Variants in GPC5 observed in about 807,000 individuals in gnomAD.
The protein encoded by GPC5 is glypican 5, also known as glypican-5.
Under a neutral mutation model 53.9 loss-of-function variants are expected in GPC5, and 47 were observed. The ratio of observed to expected loss-of-function variants is 0.87; its 90% CI spans 0.69 to 1.11. GPC5 has a LOEUF of 1.11. Ranked by LOEUF, GPC5 falls within the 50% of genes most tolerant of loss-of-function variation. The probability of loss-of-function intolerance (pLI) is 0.00; values close to 1 mark genes in which losing one functional copy is unlikely to be tolerated. For synonymous variants in GPC5, 286 were observed against 263.3 expected, an observed-to-expected ratio of 1.09 and a Z score of -0.84; for missense variants, 748 against 713.1, an observed-to-expected ratio of 1.05 and a Z score of -0.56.
At chr13:92,814,353 C>A (rs1427840224) in intron 7 of GPC5, among the ~76,000 whole-genome samples, 1 of 151,578 alleles carries the variant, frequency 6.6e-6, no homozygotes, top group Non-Finnish European at 1.5e-5. Flanking sequence ...CCAAAACAGA[C>A]AAAAAAATTA....
chr13:92,067,318 G>A (rs1250732846), intron 6 of GPC5, among the ~76,000 whole-genome samples: 1 of 151,976 alleles, frequency 6.6e-6, no homozygotes, highest in Non-Finnish European at 1.5e-5. Context: ...GTGTTAATAA[G>A]AAAAATAGTA....
chr13:92,584,201 G>T (rs532388485), intron 7 of GPC5, among the ~76,000 whole-genome samples: 8 of 152,288 alleles, frequency 5.3e-5, no homozygotes, highest in Non-Finnish European at 7.3e-5. Context: ...GAGCTCAGAA[G>T]AAGACAGGAA....
chr13:91,467,341 G>A (rs1223311137), intron 2 of GPC5, among the ~76,000 whole-genome samples: 1 of 152,262 alleles, frequency 6.6e-6, no homozygotes, highest in South Asian at 2.1e-4. Flanking sequence ...AGTGATCCAC[G>A]ATTCCTCCAC....
intron 2 of GPC5, among the ~76,000 whole-genome samples, chr13:91,460,232 A>G (rs1881845020): frequency 6.6e-6 from 1 of 152,092 alleles, no homozygotes; most frequent in African/African-American, 2.4e-5. Context: ...TTCTTATATG[A>G]ATCAAATTCT....
intron 1 of GPC5, among the ~76,000 whole-genome samples, chr13:91,437,373 G>T (rs891142838): frequency 6.6e-6 from 1 of 152,100 alleles, no homozygotes; most frequent in Non-Finnish European, 1.5e-5. Flanking sequence ...GCTCTTTTAG[G>T]GCAGGCCTGG....
At chr13:91,566,477 C>T (rs1455383880) in intron 2 of GPC5, among the ~76,000 whole-genome samples, 1 of 152,062 alleles carries the variant, frequency 6.6e-6, no homozygotes, top group Non-Finnish European at 1.5e-5. Context: ...GCAGGGGAAT[C>T]ACTTGAACCC....
At chr13:91,770,299 A>C (rs763579245) in intron 5 of GPC5, among the ~76,000 whole-genome samples, 15 of 152,252 alleles carry the variant, frequency 9.9e-5, no homozygotes, top group Non-Finnish European at 1.8e-4. Flanking sequence ...TACTTTTGGG[A>C]TTTATATTCA....
chr13:92,112,119 G>T (rs1424163343), intron 6 of GPC5, among the ~76,000 whole-genome samples: 1 of 152,084 alleles, frequency 6.6e-6, no homozygotes, highest in African/African-American at 2.4e-5. Flanking sequence ...GAGTTTGAGT[G>T]GAAGGTAACA....
intron 6 of GPC5, among the ~76,000 whole-genome samples, chr13:92,131,854 AAAG>A (rs1318383197): frequency 6.6e-6 from 1 of 152,040 alleles, no homozygotes. Context: ...TTAATATTTA[AAAG>A]AAGAAAAATA....
At chr13:91,638,255 G>A (rs2034331370) in intron 2 of GPC5, among the ~76,000 whole-genome samples, 1 of 152,030 alleles carries the variant, frequency 6.6e-6, no homozygotes, top group African/African-American at 2.4e-5. Flanking sequence ...AAATTATGAA[G>A]ACTTTCTTGT....
intron 6 of GPC5, among the ~76,000 whole-genome samples, chr13:92,091,155 A>G (rs1401371044): frequency 1.3e-5 from 2 of 152,200 alleles, no homozygotes; most frequent in African/African-American, 2.4e-5. Context: ...CACCATGACA[A>G]TATAAAAATT....
At chr13:92,657,282 GAAAT>G (rs1262968170) in intron 7 of GPC5, among the ~76,000 whole-genome samples, 1 of 151,998 alleles carries the variant, frequency 6.6e-6, no homozygotes, top group Non-Finnish European at 1.5e-5. Context: ...TTATTTCATG[GAAAT>G]ACTAAGTAAA....
At chr13:92,638,419 C>T (rs1258939781) in intron 7 of GPC5, among the ~76,000 whole-genome samples, 1 of 152,070 alleles carries the variant, frequency 6.6e-6, no homozygotes, top group Non-Finnish European at 1.5e-5. Flanking sequence ...TGAATGGTCA[C>T]CTTGGTCCAG....
At chr13:92,267,711 T>A (rs2042812137) in intron 7 of GPC5, among the ~76,000 whole-genome samples, 1 of 151,950 alleles carries the variant, frequency 6.6e-6, no homozygotes, top group East Asian at 1.9e-4. Context: ...GCTTACTCTT[T>A]TTTTGTAAAT....
At chr13:92,667,254 C>T (rs893837026) in intron 7 of GPC5, among the ~76,000 whole-genome samples, 1 of 151,908 alleles carries the variant, frequency 6.6e-6, no homozygotes, top group Non-Finnish European at 1.5e-5. Flanking sequence ...TTGGTGTTTC[C>T]AAAATGAAGC....
At chr13:92,773,435 C>CATG (rs1875682856) in intron 7 of GPC5, among the ~76,000 whole-genome samples, 1 of 151,854 alleles carries the variant, frequency 6.6e-6, no homozygotes, top group African/African-American at 2.4e-5. Flanking sequence ...TCACTCTCCT[C>CATG]ATGATGAATT....
intron 7 of GPC5, among the ~76,000 whole-genome samples, chr13:92,391,631 C>T (rs755973728): frequency 6.6e-6 from 1 of 152,052 alleles, no homozygotes; most frequent in African/African-American, 2.4e-5. Flanking sequence ...TGATGATATC[C>T]ATCTTCTGGA....
At chr13:91,944,735 C>A (rs1435122795) in intron 6 of GPC5, among the ~76,000 whole-genome samples, 1 of 152,206 alleles carries the variant, frequency 6.6e-6, no homozygotes, top group Non-Finnish European at 1.5e-5. Flanking sequence ...ACTGAACTTT[C>A]TCCTGTGGTA....
At chr13:92,611,943 A>T (rs1280638338) in intron 7 of GPC5, among the ~76,000 whole-genome samples, 4 of 152,138 alleles carry the variant, frequency 2.6e-5, no homozygotes, top group Admixed American at 2.6e-4. Context: ...TGAAAATTGC[A>T]TGGTAGGCTT....
Sources: allele counts gnomAD v4.1 joint callset (sites outside exome capture counted in the v4.1 genomes callset), GRCh38; gene constraint gnomAD v4.1.1; transcripts MANE v1.5; gene names NCBI Gene and HGNC (gene_info 2026-07-23, HGNC 2026-07-21).